Variants in CGGBP1 observed in about 807,000 individuals in gnomAD.
CGGBP1 encodes the protein CGG triplet repeat binding protein 1.
Under a neutral mutation model 11.4 loss-of-function variants are expected in CGGBP1, and 4 were observed. That is an observed-to-expected ratio of 0.35 (90% CI 0.17 to 0.80). CGGBP1 has a LOEUF of 0.80. Among genes scored for constraint, CGGBP1 ranks in the 30% least tolerant of loss-of-function variants. CGGBP1 has a pLI of 0.52. For missense variants in CGGBP1, 135 were observed against 202.1 expected (o/e 0.67, Z 2.01); for synonymous variants, 76 against 74.1 (o/e 1.03, Z -0.13).
At chr3:88,143,592 A>G (rs1307187508) in intron 1 of CGGBP1, 1 of 152,282 alleles carries the variant, frequency 6.6e-6, no homozygotes, top group Non-Finnish European at 1.5e-5. Flanking sequence ...CATTTTCCAC[A>G]AGTTGTAACA....
intron 1 of CGGBP1, chr3:88,144,660 A>G (rs1707271344): frequency 6.6e-6 from 1 of 152,448 alleles, no homozygotes; most frequent in African/African-American, 2.4e-5. Flanking sequence ...CTTGTTGGTA[A>G]TCAAGTGTTC....
At chr3:88,129,012 G>T in intron 2 of CGGBP1, 1 of 1,523,584 alleles carries the variant, frequency 6.6e-7, no homozygotes, top group Non-Finnish European at 8.8e-7. Context: ...ATTCCGGGAG[G>T]TATTGTTTGA....
chr3:88,138,468 AAATT>A (rs1706933592), intron 2 of CGGBP1, among the ~76,000 whole-genome samples: 1 of 152,146 alleles, frequency 6.6e-6, no homozygotes, highest in Non-Finnish European at 1.5e-5. Context: ...TCAAATGTGA[AAATT>A]AAATAAATTA....
chr3:88,076,436 A>G (rs1167118303), intron 2 of CGGBP1, among the ~76,000 whole-genome samples: 1 of 150,778 alleles, frequency 6.6e-6, no homozygotes, highest in Non-Finnish European at 1.5e-5. Flanking sequence ...TTCTTTTTTG[A>G]TATCTGTCTA....
In CGGBP1 at chr3:88,144,845, C is replaced by A. The variant is rs528896019; in HGVS notation, c.-337-3767G>T. Among the ~76,000 whole-genome samples the A allele has an allele frequency of 9.5e-4, 144 of 151,846 alleles. 1 individual carries two copies. Among genetic ancestry groups the A allele is most frequent in the Non-Finnish European group, 1.3e-3 (91 of 67,818 alleles). On this transcript the variant is annotated intron_variant, in intron 1 of 3. Transcript: ENST00000462901. The stretch of plus-strand genomic sequence containing the variant: ...GAAAATAGAAGTATCTAAAATTTTA[C>A]ACAAAATAGGCATTTTTGGACATTT...
intron 2 of CGGBP1, among the ~76,000 whole-genome samples, chr3:88,105,261 C>A (rs1169917498): frequency 6.9e-6 from 1 of 143,942 alleles, no homozygotes; most frequent in African/African-American, 2.5e-5. Context: ...TTTAGATAAA[C>A]AGATACATAC....
At chr3:88,094,258 G>C (rs559634931) in intron 2 of CGGBP1, among the ~76,000 whole-genome samples, 1 of 152,160 alleles carries the variant, frequency 6.6e-6, no homozygotes, top group Non-Finnish European at 1.5e-5. Flanking sequence ...GCATTTGTTT[G>C]TATTGGCCAT....
intron 2 of CGGBP1, among the ~76,000 whole-genome samples, chr3:88,118,239 C>T (rs917833411): frequency 3.3e-5 from 5 of 152,020 alleles, no homozygotes; most frequent in African/African-American, 1.2e-4. Flanking sequence ...GCCTTCTTTC[C>T]CTGAGACACA....
intron 2 of CGGBP1, among the ~76,000 whole-genome samples, chr3:88,107,821 A>G (rs1165548519): frequency 6.6e-6 from 1 of 151,994 alleles, no homozygotes; most frequent in African/African-American, 2.4e-5. Flanking sequence ...ACTACTGATA[A>G]TTTTATCTTG....
At chr3:88,141,088 G>A (rs1399176478) in intron 1 of CGGBP1, 2 of 1,531,598 alleles carry the variant, frequency 1.3e-6, no homozygotes, top group African/African-American at 1.4e-5. Flanking sequence ...TCTGTAGAAA[G>A]AGAAAATGGC....
upstream of CGGBP1, among the ~76,000 whole-genome samples, chr3:88,062,610 A>G (rs550002174): frequency 6.6e-6 from 1 of 152,310 alleles, no homozygotes; most frequent in South Asian, 2.1e-4. Context: ...ATTTTTTGTC[A>G]TAAATTGATT....
chr3:88,116,561 TACAC>T (rs61470020), intron 2 of CGGBP1, among the ~76,000 whole-genome samples: 2 of 151,028 alleles, frequency 1.3e-5, no homozygotes, highest in African/African-American at 2.4e-5. Context: ...TACATATATA[TACAC>T]ACACACACAC....
At chr3:88,059,162 G>A, upstream of CGGBP1, 4 of 1,368,304 alleles carry the variant, frequency 2.9e-6, no homozygotes, top group South Asian at 1.5e-5. Flanking sequence ...TGGGGGCGTG[G>A]GTGGGCGGAG....
intron 2 of CGGBP1, among the ~76,000 whole-genome samples, chr3:88,099,738 TAATA>T (rs1704291239): frequency 6.6e-6 from 1 of 152,154 alleles, no homozygotes. Flanking sequence ...ATTCCCTATT[TAATA>T]AATGGTGCCA....
intron 2 of CGGBP1, among the ~76,000 whole-genome samples, chr3:88,112,242 A>C (rs1705135009): frequency 6.6e-6 from 1 of 151,068 alleles, no homozygotes; most frequent in Non-Finnish European, 1.5e-5. Flanking sequence ...TTTACATTTT[A>C]TAATTTTAGT....
At chr3:88,069,043 C>T (rs1211821319) in intron 2 of CGGBP1, among the ~76,000 whole-genome samples, 2 of 152,110 alleles carry the variant, frequency 1.3e-5, no homozygotes, top group African/African-American at 4.8e-5. Context: ...GTTAAAAAGA[C>T]TCAAGGCAGC....
chr3:88,086,878 G>A (rs1224676413), intron 2 of CGGBP1, among the ~76,000 whole-genome samples: 1 of 152,148 alleles, frequency 6.6e-6, no homozygotes, highest in Non-Finnish European at 1.5e-5. Context: ...CCCCTCCCGG[G>A]TTCACGCCAT....
At position 88,053,496 on chromosome 3, in the gene CGGBP1, T is replaced by C. The variant is rs553012938; in HGVS notation, c.*1977A>G. On this transcript the variant is annotated 3_prime_UTR_variant, in exon 4 of 4. Coordinates refer to ENST00000482016, the MANE Select transcript of CGGBP1 (RefSeq NM_001008390.2). ...ACTACTAAAACTTAAATATGAATTA[T>C]TGATGTTTTTCTAATGCAACATCAT... is the stretch of plus-strand genomic sequence containing the variant. 1.4e-4 allele frequency: 22 copies of C among 152,312 alleles called. No homozygotes were observed. The highest frequency in any genetic ancestry group is 1.2e-3 in the East Asian group (6 of 5,190). 9.4% of individuals were successfully genotyped at this position (152,312 alleles called of 1,614,324 possible). A position where few individuals can be genotyped will look rare whatever the true frequency, so the allele number is the denominator to read the frequency against.
intron 2 of CGGBP1, among the ~76,000 whole-genome samples, chr3:88,137,785 T>C (rs751877932): frequency 1.3e-5 from 2 of 152,102 alleles, no homozygotes; most frequent in Non-Finnish European, 2.9e-5. Flanking sequence ...GTGGGAACTG[T>C]AAGTAGTTCT....
Sources: allele counts gnomAD v4.1 joint callset (sites outside exome capture counted in the v4.1 genomes callset), GRCh38; gene constraint gnomAD v4.1.1; transcripts MANE v1.5; gene names NCBI Gene and HGNC (gene_info 2026-07-23, HGNC 2026-07-21).